NOP9: variants seen among roughly 807,000 people sequenced by gnomAD.
The protein encoded by NOP9 is nucleolar protein 9.
Under a neutral mutation model 63.0 loss-of-function variants are expected in NOP9, and 50 were observed. That is an observed-to-expected ratio of 0.79 (90% CI 0.63 to 1.00). The LOEUF is 1.00. NOP9 is among the 50% of genes least tolerant of loss of function. The pLI, the probability that NOP9 is intolerant of heterozygous loss-of-function variation, is 0.00. For synonymous variants in NOP9, 343 were observed against 332.8 expected (o/e 1.03, Z -0.33); for missense variants, 758 against 803.0 (o/e 0.94, Z 0.68).
rs1555311727 is a variant in NOP9, at chr14:24,300,669, A to AGGAGGT, written c.509_510insGGAGGT (p.Asp170delinsGluGluVal). 3 of 1,609,276 alleles carry AGGAGGT rather than the reference A, an allele frequency of 1.9e-6. No homozygotes were observed. Among genetic ancestry groups the AGGAGGT allele is most frequent in the African/African-American group, 1.4e-5 (1 of 73,470 alleles). ...GAGGAGGAGGAGGAGGAGGAGGAGG[A>AGGAGGT]TGGAAAGGATGGTCCCACGGAGACC... On this transcript the variant is annotated protein_altering_variant, in exon 2 of 10. Transcript: ENST00000267425.
At position 24,307,324 on chromosome 14, in the gene NOP9, C is replaced by T; in HGVS notation, c.*2229C>T. ...TCACAAGTTGCCACTGTTGTGGAGCCCCTTGGCTACCCCTGCTATAGGAAC... is the reference window on the plus strand; with the variant it reads ...TCACAAGTTGCCACTGTTGTGGAGCTCCTTGGCTACCCCTGCTATAGGAAC... On this transcript the variant is annotated 3_prime_UTR_variant, in exon 10 of 10. Coordinates refer to ENST00000267425, the MANE Select transcript of NOP9 (RefSeq NM_174913.3). The T allele has an allele frequency of 7.6e-6, 12 of 1,575,616 alleles. No individual in the cohort carries two copies. Among genetic ancestry groups the T allele is most frequent in the Non-Finnish European group, 1.0e-5 (12 of 1,157,996 alleles).
chr14:24,292,895 C>T, the NOP9 span: 2 of 1,415,580 alleles, frequency 1.4e-6, no homozygotes, highest in East Asian at 2.5e-5. Flanking sequence ...ACTAGGAAGG[C>T]TACACAGGGT....
the NOP9 span, among the ~76,000 whole-genome samples, chr14:24,273,430 T>G: frequency 6.6e-6 from 1 of 152,196 alleles, no homozygotes; most frequent in African/African-American, 2.4e-5. Context: ...CTGCCCACCT[T>G]GGCCTCCCAG....
the NOP9 span, chr14:24,291,270 G>A: frequency 6.3e-7 from 1 of 1,587,340 alleles, no homozygotes; most frequent in Non-Finnish European, 8.6e-7. Context: ...TATGCAGAGT[G>A]ACAAGGTTTG....
rs182491838 is a variant in NOP9 at position 24,302,244 on chromosome 14, A to G, written c.963A>G (p.Leu321=). The change falls in exon 5 of 10, where the codon CTA becomes CTG. Residue 321 remains leucine, a synonymous_variant. Coordinates refer to ENST00000267425, the MANE Select transcript of NOP9 (RefSeq NM_174913.3). ...GSSVDGSPLL[L]FLRDQTSSRL... ...TTCTTGTCCCTAGTCCCCTACTGCT[A>G]TTTCTCCGAGATCAGACGAGTTCCA... The G allele has an allele frequency of 1.1e-5, 18 of 1,611,898 alleles. No homozygotes were observed. The highest frequency in any genetic ancestry group is 4.0e-5 in the African/African-American group (3 of 74,928).
chr14:24,272,547 C>G, the NOP9 span, among the ~76,000 whole-genome samples: 1 of 152,214 alleles, frequency 6.6e-6, no homozygotes, highest in African/African-American at 2.4e-5. Context: ...CAGTGTTCTC[C>G]ACCTCATCCC....
At chr14:24,273,141 A>G in the NOP9 span, among the ~76,000 whole-genome samples, 1 of 150,890 alleles carries the variant, frequency 6.6e-6, no homozygotes, top group Non-Finnish European at 1.5e-5. Flanking sequence ...GTGTGTGTTT[A>G]TAACTCACAC....
the NOP9 span, chr14:24,271,229 T>G: frequency 7.5e-7 from 1 of 1,339,648 alleles, no homozygotes; most frequent in Non-Finnish European, 1.0e-6. Flanking sequence ...CACAGCTGTG[T>G]CCGGAAGCAG....
At position 24,304,147 on chromosome 14, in the gene NOP9, TG is replaced by T; in HGVS notation, c.1520del (p.Gly507ValfsTer3). On this transcript the variant is annotated frameshift_variant, in exon 8 of 10. Coordinates refer to ENST00000267425, the MANE Select transcript of NOP9 (RefSeq NM_174913.3). LOFTEE classifies it high-confidence loss of function. ...ACTCCTGGTCTTGTACTTCGAAGTC[TG>T]GGTGCCTTGACGGGACCACAGCTTC... ...FSTPGLVLRS[L>X]GALTGPQLLS... 2.5e-6 allele frequency: 4 copies of T among 1,614,248 alleles called. No homozygotes were observed. The highest frequency in any genetic ancestry group is 3.4e-6 in the Non-Finnish European group (4 of 1,180,034).
At chr14:24,299,207 G>T, upstream of NOP9, 1 of 1,367,776 alleles carries the variant, frequency 7.3e-7, no homozygotes, top group Non-Finnish European at 9.8e-7. Context: ...GGGTAGGGGA[G>T]AACCTCACTA....
At chr14:24,281,753 G>A in the NOP9 span, among the ~76,000 whole-genome samples, 1 of 152,158 alleles carries the variant, frequency 6.6e-6, no homozygotes, top group Non-Finnish European at 1.5e-5. Flanking sequence ...CAGAACAGCT[G>A]GAGCAAAGGC....
chr14:24,281,651 TC>T, the NOP9 span, among the ~76,000 whole-genome samples: 1 of 152,012 alleles, frequency 6.6e-6, no homozygotes, highest in Admixed American at 6.5e-5. Flanking sequence ...AGGAGAAACT[TC>T]TAGGAGGTTG....
rs767381330 is a variant in NOP9, at chr14:24,305,923, C to T, written c.*828C>T. On this transcript the variant is annotated 3_prime_UTR_variant, in exon 10 of 10. Coordinates refer to ENST00000267425, the MANE Select transcript of NOP9 (RefSeq NM_174913.3). The stretch of plus-strand genomic sequence containing the variant: ...GACTATCCAACTGTAGGGGATGGGG[C>T]AGTATGACATGTTGATTTCTGACCT... 8.7e-6 allele frequency: 14 copies of T among 1,606,216 alleles called. No individual in the cohort carries two copies. The highest frequency in any genetic ancestry group is 5.6e-5 in the South Asian group (5 of 89,678).
upstream of NOP9, chr14:24,299,691 T>C: frequency 2.3e-6 from 1 of 437,750 alleles, no homozygotes; most frequent in South Asian, 5.0e-5. Context: ...GGATTGATTC[T>C]GTAGTAGGAC....
chr14:24,305,548 GTC>G lies in NOP9; in HGVS notation c.*455_*456del. ...TTGGGTGGGTTATCTAGCCTGTACTGTCTGCAGGTCCTGAAATTTGATGCTGT... is the reference window on the plus strand; with the variant it reads ...TTGGGTGGGTTATCTAGCCTGTACTGTGCAGGTCCTGAAATTTGATGCTGT... On this transcript the variant is annotated 3_prime_UTR_variant, in exon 10 of 10. Transcript: ENST00000267425. 6.6e-7 allele frequency: 1 copy of G among 1,522,374 alleles called. No homozygotes were observed. The highest frequency in any genetic ancestry group is 8.9e-7 in the Non-Finnish European group (1 of 1,127,674). The allele number at this position is 1,522,374 out of a possible 1,614,324, so 94.3% of individuals were successfully genotyped here.
At position 24,306,771 on chromosome 14, in the gene NOP9, G is replaced by A; in HGVS notation, c.*1676G>A. ...GGCATCTCCCCTTGCTCCCCTCCAA[G>A]TCACTTCTGGTTTGGAATTGGAAAG... On this transcript the variant is annotated 3_prime_UTR_variant, in exon 10 of 10. Transcript: ENST00000267425. 2 of 522,494 alleles carry A rather than the reference G, an allele frequency of 3.8e-6. No homozygotes were observed. Among genetic ancestry groups the A allele is most frequent in the Non-Finnish European group, 6.9e-6 (2 of 290,072 alleles). 32.4% of individuals were successfully genotyped at this position (522,494 alleles called of 1,614,324 possible). A position where few individuals can be genotyped will look rare whatever the true frequency, so the allele number is the denominator to read the frequency against.
At chr14:24,282,680 A>T in the NOP9 span, among the ~76,000 whole-genome samples, 1 of 152,190 alleles carries the variant, frequency 6.6e-6, no homozygotes, top group African/African-American at 2.4e-5. Flanking sequence ...ACTTGCTAAT[A>T]GAAATTGCAC....
At chr14:24,276,796 T>A in the NOP9 span, among the ~76,000 whole-genome samples, 3 of 152,260 alleles carry the variant, frequency 2.0e-5, no homozygotes, top group South Asian at 6.2e-4. Flanking sequence ...CTTTTGATGC[T>A]TACTCTATTC....
rs1447759160 is a variant in NOP9 at position 24,307,263 on chromosome 14, G to A, written c.*2168G>A. 1.3e-5 allele frequency: 16 copies of A among 1,231,990 alleles called. No individual in the cohort carries two copies. The highest frequency in any genetic ancestry group is 3.0e-5 in the African/African-American group (2 of 66,160). The allele number at this position is 1,231,990 out of a possible 1,614,324, so 76.3% of individuals were successfully genotyped here. ...CCGCTGCTTTTAGCCCTCAGAGGGA[G>A]GGGCAGCTGTGTGACTTCAGCCCTC... On this transcript the variant is annotated 3_prime_UTR_variant, in exon 10 of 10. Coordinates refer to ENST00000267425, the MANE Select transcript of NOP9 (RefSeq NM_174913.3).
Sources: gnomAD v4.1 joint callset for allele counts (sites outside exome capture counted in the v4.1 genomes callset) on GRCh38, gnomAD v4.1.1 for gene constraint, MANE v1.5 for transcripts, NCBI Gene and HGNC (gene_info 2026-07-23, HGNC 2026-07-21) for gene names.